PIP5K1B: variants seen among roughly 807,000 people sequenced by gnomAD.
PIP5K1B encodes the protein phosphatidylinositol 4-phosphate 5-kinase type-1 beta.
In PIP5K1B, 42 loss-of-function variants were observed where a neutral mutation model predicts 67.0. The ratio of observed to expected loss-of-function variants is 0.63; its 90% CI spans 0.49 to 0.81. PIP5K1B has a LOEUF of 0.81. Among genes scored for constraint, PIP5K1B ranks in the 30% least tolerant of loss-of-function variants. PIP5K1B has a pLI of 0.00. For synonymous variants in PIP5K1B, 214 were observed against 231.4 expected, an observed-to-expected ratio of 0.92 and a Z score of 0.68; for missense variants, 459 against 646.3, an observed-to-expected ratio of 0.71 and a Z score of 3.14.
chr9:68,921,426 T>C (rs1461810959), intron 11 of PIP5K1B, among the ~76,000 whole-genome samples: 1 of 152,236 alleles, frequency 6.6e-6, no homozygotes, highest in Non-Finnish European at 1.5e-5. Context: ...AGGAAGGGAC[T>C]GCATACATAG....
intron 14 of PIP5K1B, among the ~76,000 whole-genome samples, chr9:68,949,768 G>T (rs1360556872): frequency 1.3e-5 from 2 of 152,246 alleles, no homozygotes; most frequent in Non-Finnish European, 2.9e-5. Flanking sequence ...AGAGACTCCA[G>T]CGCCGACACG....
In PIP5K1B at chr9:68,992,279, A is replaced by G. The variant is rs999300703; in HGVS notation, c.1620+1022A>G. Among the ~76,000 whole-genome samples, 7 of 152,214 alleles carry G rather than the reference A, an allele frequency of 4.6e-5. 2 individuals carry two copies. The highest frequency in any genetic ancestry group is 4.6e-4 in the Admixed American group (7 of 15,276). On this transcript the variant is annotated intron_variant, in intron 15 of 15. Coordinates refer to ENST00000265382, the MANE Select transcript of PIP5K1B (RefSeq NM_003558.4). ...ACCCGGCCTACCTGCACAAAATTAC[A>G]TAAAACAGGGGAAGTGTTCTTTTGG...
chr9:68,736,330 G>A (rs1828735937), intron 1 of PIP5K1B, among the ~76,000 whole-genome samples: 1 of 152,144 alleles, frequency 6.6e-6, no homozygotes, highest in Non-Finnish European at 1.5e-5. Flanking sequence ...CTATTTGTAT[G>A]CATATTTCAC....
At chr9:68,810,466 G>A (rs1833102782) in intron 2 of PIP5K1B, among the ~76,000 whole-genome samples, 1 of 152,226 alleles carries the variant, frequency 6.6e-6, no homozygotes, top group Admixed American at 6.5e-5. Flanking sequence ...GTTTAATAAA[G>A]TGTTTGTTTT....
intron 4 of PIP5K1B, among the ~76,000 whole-genome samples, chr9:68,826,323 C>A (rs1029859892): frequency 1.3e-5 from 2 of 152,140 alleles, no homozygotes; most frequent in African/African-American, 4.8e-5. Flanking sequence ...AAACAGAACC[C>A]ACGCCTTCCT....
intron 4 of PIP5K1B, among the ~76,000 whole-genome samples, chr9:68,823,264 AAT>A: frequency 6.6e-6 from 1 of 152,154 alleles, no homozygotes; most frequent in Non-Finnish European, 1.5e-5. Flanking sequence ...AGAGCATGGG[AAT>A]CTTTGGGGGT....
Position 68,779,918 on chromosome 9 carries a change from A to G in PIP5K1B, c.-86+37261A>G, listed in dbSNP as rs185059422. ...GCGCTCAATAGCTATTTGCCGAAGG[A>G]ATATACGGACTAGCGGCCCGACCAC... On this transcript the variant is annotated intron_variant, in intron 2 of 15. Transcript: ENST00000265382. 9.3e-4 allele frequency: 423 copies of G among 456,486 alleles called. 3 individuals carry two copies. The highest frequency in any genetic ancestry group is 7.9e-3 in the African/African-American group (389 of 49,108). 28.3% of individuals were successfully genotyped at this position (456,486 alleles called of 1,614,324 possible).
chr9:68,750,910 T>C (rs552286101), intron 2 of PIP5K1B, among the ~76,000 whole-genome samples: 2 of 152,342 alleles, frequency 1.3e-5, no homozygotes, highest in East Asian at 3.9e-4. Flanking sequence ...GATGCACCTC[T>C]GCTGATGACT....
intron 14 of PIP5K1B, among the ~76,000 whole-genome samples, chr9:68,942,461 A>AGTGGTGGGG (rs1564255017): frequency 6.6e-6 from 1 of 151,564 alleles, no homozygotes; most frequent in East Asian, 1.9e-4. Flanking sequence ...TTTTGGTAGC[A>AGTGGTGGGG]GTGGTGGTGG....
intron 2 of PIP5K1B, among the ~76,000 whole-genome samples, chr9:68,750,724 T>C (rs1489424911): frequency 6.6e-6 from 1 of 152,104 alleles, no homozygotes; most frequent in Non-Finnish European, 1.5e-5. Context: ...AATTAGTAAA[T>C]GGTATCGTGT....
At chr9:68,927,484 A>G (rs1338801562) in intron 12 of PIP5K1B, among the ~76,000 whole-genome samples, 2 of 152,174 alleles carry the variant, frequency 1.3e-5, no homozygotes, top group Non-Finnish European at 2.9e-5. Flanking sequence ...ATGAAGTAGT[A>G]TCTCACTGTA....
Position 68,960,264 on chromosome 9 carries a change from T to C in PIP5K1B, c.1502+19474T>C, listed in dbSNP as rs11144523. ...CAGAAGTTCAGATTTATCCGTTTCC[T>C]GATCATCTGCATGTTATCTATTTTC... On this transcript the variant is annotated intron_variant, in intron 14 of 15. Coordinates refer to ENST00000265382, the MANE Select transcript of PIP5K1B (RefSeq NM_003558.4). Among the ~76,000 whole-genome samples, 1,446 of 152,352 alleles carry C rather than the reference T, an allele frequency of 9.5e-3. 25 individuals carry two copies. Among genetic ancestry groups the C allele is most frequent in the African/African-American group, 0.033 (1,379 of 41,574 alleles).
chr9:68,950,424 G>A (rs1359013689), intron 14 of PIP5K1B, among the ~76,000 whole-genome samples: 8 of 152,190 alleles, frequency 5.3e-5, no homozygotes, highest in Admixed American at 5.2e-4. Context: ...CCCCTGGCCA[G>A]CAGCCTCACA....
At chr9:68,797,462 AT>A (rs1187466178) in intron 2 of PIP5K1B, among the ~76,000 whole-genome samples, 1 of 152,168 alleles carries the variant, frequency 6.6e-6, no homozygotes, top group African/African-American at 2.4e-5. Context: ...ATTGGGTTGA[AT>A]TTTTTGTTGG....
chr9:68,832,339 T>A (rs748606515), intron 4 of PIP5K1B, among the ~76,000 whole-genome samples: 20 of 152,090 alleles, frequency 1.3e-4, no homozygotes, highest in Non-Finnish European at 2.5e-4. Context: ...ACAGAAAGAG[T>A]CACAACTCAA....
intron 3 of PIP5K1B, chr9:68,822,403 T>C (rs553202539): frequency 4.2e-6 from 2 of 474,586 alleles, no homozygotes; most frequent in East Asian, 7.0e-5. Flanking sequence ...TAAAATATAT[T>C]ACGAAAATGT....
At chr9:68,815,630 G>A (rs925222072) in intron 2 of PIP5K1B, among the ~76,000 whole-genome samples, 3 of 151,946 alleles carry the variant, frequency 2.0e-5, no homozygotes, top group East Asian at 1.9e-4. Context: ...TATAAATCCC[G>A]AGAGGAGTTA....
rs185915716 is a variant in PIP5K1B, at chr9:68,765,226, A to G, written c.-86+22569A>G. Among the ~76,000 whole-genome samples the G allele has an allele frequency of 7.7e-4, 117 of 152,260 alleles. No individual in the cohort carries two copies. The Middle Eastern group carries it at 0.017, about 22-fold the overall frequency. ...TGTGCTTCTAATTTTTAATATTTCA[A>G]ACATTATAGATGTTGGCATTGTGAT... On this transcript the variant is annotated intron_variant, in intron 2 of 15. Coordinates refer to ENST00000265382, the MANE Select transcript of PIP5K1B (RefSeq NM_003558.4).
chr9:68,917,198 A>G (rs761203088), intron 8 of PIP5K1B, among the ~76,000 whole-genome samples: 6 of 152,198 alleles, frequency 3.9e-5, no homozygotes, highest in Non-Finnish European at 7.3e-5. Context: ...CAATAGTAGT[A>G]CCTAGCTTAT....
Sources: gnomAD v4.1 joint callset for allele counts (sites outside exome capture counted in the v4.1 genomes callset) on GRCh38, gnomAD v4.1.1 for gene constraint, MANE v1.5 for transcripts, NCBI Gene and HGNC (gene_info 2026-07-23, HGNC 2026-07-21) for gene names.